NSUN3: variants seen among roughly 807,000 people sequenced by gnomAD.
NSUN3 encodes the protein NOP2/Sun RNA methyltransferase 3, also known as tRNA (cytosine(34)-C(5))-methyltransferase, mitochondrial.
NSUN3 carries 24 observed loss-of-function variants against 36.8 expected under a neutral mutation model. The observed-to-expected ratio is 0.65, with a 90% CI of 0.47 to 0.92. NSUN3 has a LOEUF of 0.92. Ranked by LOEUF, NSUN3 falls within the 40% of genes least tolerant of loss-of-function variation. The pLI is 0.00. For missense variants in NSUN3, 381 were observed against 392.8 expected, an observed-to-expected ratio of 0.97 and a Z score of 0.25; for synonymous variants, 146 against 145.2, an observed-to-expected ratio of 1.01 and a Z score of -0.04.
intron 1 of NSUN3, chr3:94,063,829 G>A (rs540715636): frequency 2.0e-5 from 3 of 150,070 alleles, no homozygotes; most frequent in South Asian, 2.1e-4. Context: ...TCCTTGATAT[G>A]TTTTCCAGTC....
At chr3:94,124,148 C>CTTTTTTTTTTTTTTTTTTT (rs58987431) in intron 5 of NSUN3, among the ~76,000 whole-genome samples, 143 of 88,182 alleles carry the variant, frequency 1.6e-3, no homozygotes, top group Non-Finnish European at 2.2e-3. Flanking sequence ...TATTTTATTT[C>CTTTTTTTTTTTTTTTTTTT]TTTTTTTTTT....
intron 3 of NSUN3, 148 bp downstream of exon 3, chr3:94,084,598 T>C (rs997325731): frequency 1.2e-4 from 67 of 567,398 alleles, no homozygotes; most frequent in Non-Finnish European, 1.8e-5. Context: ...AGAATGGAAA[T>C]TTTTGCTGAG....
intron 5 of NSUN3, among the ~76,000 whole-genome samples, chr3:94,113,857 C>G (rs987867358): frequency 1.3e-5 from 2 of 152,152 alleles, no homozygotes; most frequent in Non-Finnish European, 2.9e-5. Flanking sequence ...GGACTAACTA[C>G]TTTTGAGTTT....
chr3:94,086,150 G>A (rs1279401684), intron 3 of NSUN3, among the ~76,000 whole-genome samples: 1 of 152,000 alleles, frequency 6.6e-6, no homozygotes, highest in African/African-American at 2.4e-5. Flanking sequence ...CACCATGTTG[G>A]CCAGGCTGGT....
chr3:94,094,652 G>A (rs948619459), intron 4 of NSUN3, among the ~76,000 whole-genome samples: 2 of 152,174 alleles, frequency 1.3e-5, no homozygotes, highest in Admixed American at 6.5e-5. Flanking sequence ...GTAAGCTGAA[G>A]TTGAAATATT....
intron 2 of NSUN3, chr3:94,076,005 A>C (rs1360174005): frequency 6.2e-7 from 1 of 1,606,194 alleles, no homozygotes; most frequent in African/African-American, 1.3e-5. Flanking sequence ...TTGTCTTCTG[A>C]TACAGAACAA....
intron 5 of NSUN3, among the ~76,000 whole-genome samples, chr3:94,095,930 T>G (rs1241005130): frequency 6.6e-6 from 1 of 150,850 alleles, no homozygotes; most frequent in African/African-American, 2.4e-5. Flanking sequence ...TTTTTTTTTT[T>G]TTGTATTTTT....
At chr3:94,107,583 G>A (rs948775070) in intron 5 of NSUN3, among the ~76,000 whole-genome samples, 6 of 152,068 alleles carry the variant, frequency 3.9e-5, no homozygotes, top group East Asian at 3.9e-4. Context: ...CACCATGCCC[G>A]GCTAATTTTT....
chr3:94,063,323 C>T, intron 1 of NSUN3, 185 bp downstream of exon 1: 1 of 642,074 alleles, frequency 1.6e-6, no homozygotes. Flanking sequence ...TGCTGAGTCC[C>T]TTCCGTCCAG....
chr3:94,115,891 C>T (rs2077437928), intron 5 of NSUN3, among the ~76,000 whole-genome samples: 1 of 152,094 alleles, frequency 6.6e-6, no homozygotes, highest in Admixed American at 6.6e-5. Flanking sequence ...GTGTTTGAAA[C>T]GCAGATATTT....
At chr3:94,118,567 C>T (rs1372435677) in intron 5 of NSUN3, among the ~76,000 whole-genome samples, 4 of 152,018 alleles carry the variant, frequency 2.6e-5, no homozygotes, top group African/African-American at 9.7e-5. Flanking sequence ...TCTTGTTAAA[C>T]CATGACACAG....
chr3:94,091,644 T>G (rs1197692964), intron 3 of NSUN3, among the ~76,000 whole-genome samples: 2 of 152,216 alleles, frequency 1.3e-5, no homozygotes, highest in Admixed American at 1.3e-4. Flanking sequence ...TTAGCTTAGA[T>G]TTTTCTTAAC....
At position 94,131,306 on chromosome 3, in the gene NSUN3, G is replaced by A. The variant is rs1370312643; in HGVS notation, c.*4816G>A. On this transcript the variant is annotated 3_prime_UTR_variant, in exon 6 of 6. Coordinates refer to ENST00000314622, the MANE Select transcript of NSUN3 (RefSeq NM_022072.5). ...AAATCATTTTACTTAATATTTCATA[G>A]TTAAAGGGTAGAGCCGCGATCAAAA... Among the ~76,000 whole-genome samples, 3 of 152,082 alleles carry A rather than the reference G, an allele frequency of 2.0e-5. No individual in the cohort carries two copies. Among genetic ancestry groups the A allele is most frequent in the East Asian group, 3.8e-4 (2 of 5,198 alleles).
intron 5 of NSUN3, among the ~76,000 whole-genome samples, chr3:94,102,571 G>A (rs1399577689): frequency 6.6e-6 from 1 of 152,000 alleles, no homozygotes; most frequent in African/African-American, 2.4e-5. Context: ...TTTCTCCTCT[G>A]TATTCTTCAT....
chr3:94,086,313 C>T (rs111984275), intron 3 of NSUN3, among the ~76,000 whole-genome samples: 1 of 152,180 alleles, frequency 6.6e-6, no homozygotes, highest in Non-Finnish European at 1.5e-5. Context: ...TACCCTGGCA[C>T]ATTCTACCAT....
At chr3:94,120,908 A>G (rs2077458548) in intron 5 of NSUN3, among the ~76,000 whole-genome samples, 1 of 152,218 alleles carries the variant, frequency 6.6e-6, no homozygotes, top group Non-Finnish European at 1.5e-5. Context: ...AGAAAGTCTT[A>G]TACCTATTGC....
chr3:94,068,391 C>T (rs567115501), intron 2 of NSUN3, among the ~76,000 whole-genome samples: 8 of 152,146 alleles, frequency 5.3e-5, no homozygotes, highest in East Asian at 3.9e-4. Context: ...AAGGTTTTAT[C>T]GTCATAATTT....
In NSUN3 at chr3:94,094,488, A is replaced by G. The variant is rs1275967756; in HGVS notation, c.621+194A>G. The stretch of plus-strand genomic sequence containing the variant: ...AGCATGGTTCAAAGGAAGCAGTAAC[A>G]TTGGGATTGAGGATTATAGAATGTT... On this transcript the variant is annotated intron_variant, in intron 4 of 5. Coordinates refer to ENST00000314622, the MANE Select transcript of NSUN3 (RefSeq NM_022072.5). Among the ~76,000 whole-genome samples, 7 of 152,210 alleles carry G rather than the reference A, an allele frequency of 4.6e-5. No individual in the cohort carries two copies. The South Asian group carries it at 1.2e-3, about 27-fold the overall frequency.
chr3:94,080,870 G>T (rs1426167414), intron 2 of NSUN3, among the ~76,000 whole-genome samples: 4 of 152,200 alleles, frequency 2.6e-5, no homozygotes, highest in Non-Finnish European at 5.9e-5. Flanking sequence ...TGCTGAGCAA[G>T]ACCACTTGGC....
Sources: allele counts gnomAD v4.1 joint callset (sites outside exome capture counted in the v4.1 genomes callset), GRCh38; gene constraint gnomAD v4.1.1; transcripts MANE v1.5; gene names NCBI Gene and HGNC (gene_info 2026-07-23, HGNC 2026-07-21).